Variants in MDGA2 observed in about 807,000 individuals in gnomAD.
MDGA2 encodes the protein MAM domain containing glycosylphosphatidylinositol anchor 2.
In MDGA2, 40 loss-of-function variants were observed where a neutral mutation model predicts 117.8. The ratio of observed to expected loss-of-function variants is 0.34; its 90% CI spans 0.26 to 0.44. The LOEUF is 0.44. MDGA2 is among the 20% of genes least tolerant of loss of function. MDGA2 has a pLI of 1.00. For missense variants in MDGA2, 1,123 were observed against 1,250.6 expected (o/e 0.90, Z 1.54); for synonymous variants, 452 against 439.0 (o/e 1.03, Z -0.37).
At chr14:47,615,792 GT>G (rs1896938567) in intron 1 of MDGA2, among the ~76,000 whole-genome samples, 1 of 152,198 alleles carries the variant, frequency 6.6e-6, no homozygotes, top group African/African-American at 2.4e-5. Flanking sequence ...TATTAATAAA[GT>G]GGAAATTGTA....
intron 1 of MDGA2, among the ~76,000 whole-genome samples, chr14:47,537,313 G>C (rs1196135711): frequency 1.7e-5 from 2 of 117,072 alleles, no homozygotes; most frequent in Non-Finnish European, 1.7e-5. Context: ...TTGTCGGGTG[G>C]GGGGAGGGGG....
chr14:46,950,307 T>C (rs954757393), intron 9 of MDGA2, among the ~76,000 whole-genome samples: 6 of 151,966 alleles, frequency 3.9e-5, no homozygotes, highest in East Asian at 1.9e-4. Context: ...GTCACTGATA[T>C]GTGTCAAAAA....
intron 1 of MDGA2, among the ~76,000 whole-genome samples, chr14:47,599,655 C>T (rs1443646015): frequency 6.6e-6 from 1 of 152,086 alleles, no homozygotes; most frequent in Non-Finnish European, 1.5e-5. Context: ...TAATGTAGAA[C>T]TGGAATAGAT....
intron 8 of MDGA2, among the ~76,000 whole-genome samples, chr14:46,987,927 T>TG (rs60295575): frequency 0.011 from 1,018 of 93,476 alleles, no homozygotes; most frequent in South Asian, 0.017. Flanking sequence ...TATTCTGGGG[T>TG]GGGGGGGGGT....
Position 47,015,496 on chromosome 14 carries a change from G to C in MDGA2, c.1819+19515C>G, listed in dbSNP as rs549873413. Reference sequence around the variant, plus strand: ...TAAATCAAATAGACATGAACAAAAAGGTGGCAATATGAAAACATGGGGAAG... The same window carrying C: ...TAAATCAAATAGACATGAACAAAAACGTGGCAATATGAAAACATGGGGAAG... On this transcript the variant is annotated intron_variant, in intron 8 of 16. Transcript: ENST00000399232. Among the ~76,000 whole-genome samples the C allele has an allele frequency of 5.3e-5, 8 of 151,992 alleles. 1 individual carries two copies. In the South Asian group the frequency reaches 1.7e-3, roughly 32 times the overall value.
At chr14:46,877,729 C>CA (rs1882289357) in intron 11 of MDGA2, among the ~76,000 whole-genome samples, 1 of 151,674 alleles carries the variant, frequency 6.6e-6, no homozygotes, top group African/African-American at 2.4e-5. Flanking sequence ...CTCAAATTAC[C>CA]AAAAAGACCA....
chr14:47,153,772 A>G (rs1883257965), intron 3 of MDGA2, among the ~76,000 whole-genome samples: 1 of 152,102 alleles, frequency 6.6e-6, no homozygotes, highest in Admixed American at 6.5e-5. Flanking sequence ...AAAGTGATAA[A>G]GAAGAAGAGA....
intron 1 of MDGA2, among the ~76,000 whole-genome samples, chr14:47,646,379 G>A (rs1897535518): frequency 6.6e-6 from 1 of 151,692 alleles, no homozygotes; most frequent in African/African-American, 2.4e-5. Context: ...AATACATATA[G>A]ATGCATATAT....
chr14:46,957,400 G>T lies in MDGA2; in HGVS notation c.2063C>A (p.Ala688Asp). Residue 688 changes from alanine to aspartate, a missense_variant, in exon 9 of 17, where the codon GCT becomes GAT. Physicochemically the swap from Ala to Asp is moderately radical, Grantham distance 126 (BLOSUM62 -2). Transcript: ENST00000399232. ...YNCSIINEAG[A>D]GRCSFLVTGK... ...TGTAACAAGAAAGCTGCATCTCCCA[G>T]CTCCAGCTTCATTTATGATGCTACA... The T allele has an allele frequency of 6.2e-7, 1 of 1,613,868 alleles. No homozygotes were observed.
intron 15 of MDGA2, among the ~76,000 whole-genome samples, chr14:46,847,098 A>G (rs1267542317): frequency 6.6e-6 from 1 of 152,046 alleles, no homozygotes; most frequent in Non-Finnish European, 1.5e-5. Context: ...AATTTATCCA[A>G]TGTTCTTTGA....
rs555641682 is a variant in MDGA2, at chr14:47,302,882, C to T, written c.281-1332G>A. On this transcript the variant is annotated intron_variant, in intron 1 of 16. Transcript: ENST00000399232. ...GCAGAAACTGGAAGATGGAAAAGAC[C>T]GCTTATGATTAATAAAACAACTGGT... Among the ~76,000 whole-genome samples the T allele has an allele frequency of 5.1e-4, 77 of 152,056 alleles. 1 individual carries two copies. Among genetic ancestry groups the T allele is most frequent in the Non-Finnish European group, 4.6e-4 (31 of 67,956 alleles).
At position 47,211,573 on chromosome 14, in the gene MDGA2, C is replaced by A. The variant is rs958102952; in HGVS notation, c.595+6448G>T. On this transcript the variant is annotated intron_variant, in intron 3 of 16. Coordinates refer to ENST00000399232, the MANE Select transcript of MDGA2 (RefSeq NM_001113498.3). ...TGCAAGAAAGCCTGATTAATCTTTG[C>A]CCCTGAGGTAGATATTATCTTTACT... Among the ~76,000 whole-genome samples, 15 of 152,226 alleles carry A rather than the reference C, an allele frequency of 9.9e-5. No individual in the cohort carries two copies. In the East Asian group the frequency reaches 2.1e-3, roughly 22 times the overall value.
intron 1 of MDGA2, among the ~76,000 whole-genome samples, chr14:47,430,334 T>G (rs576364127): frequency 6.6e-6 from 1 of 152,144 alleles, no homozygotes; most frequent in Non-Finnish European, 1.5e-5. Context: ...TTTGTTTGTT[T>G]TCCTAAGCAA....
intron 1 of MDGA2, among the ~76,000 whole-genome samples, chr14:47,307,798 C>T (rs17672382): frequency 0.089 from 13,540 of 152,018 alleles, 733 homozygotes; most frequent in Non-Finnish European, 0.11. Flanking sequence ...TGTTGCTGGA[C>T]ATTAAGTTTT....
chr14:46,866,989 C>A (rs1881794055), intron 14 of MDGA2, among the ~76,000 whole-genome samples: 1 of 152,012 alleles, frequency 6.6e-6, no homozygotes, highest in Non-Finnish European at 1.5e-5. Context: ...TGTGGCGATT[C>A]CTCAGGGATC....
At chr14:47,149,386 C>T (rs185079014) in intron 3 of MDGA2, among the ~76,000 whole-genome samples, 1 of 152,312 alleles carries the variant, frequency 6.6e-6, no homozygotes, top group East Asian at 1.9e-4. Context: ...AACCTGTCAT[C>T]CCCGCTGTTA....
At chr14:47,124,516 A>G (rs1428418810) in intron 5 of MDGA2, among the ~76,000 whole-genome samples, 3 of 152,084 alleles carry the variant, frequency 2.0e-5, no homozygotes, top group African/African-American at 7.2e-5. Flanking sequence ...TATATTATAA[A>G]CTTATGTCTG....
chr14:47,413,104 T>C (rs1307035772), intron 1 of MDGA2, among the ~76,000 whole-genome samples: 1 of 152,212 alleles, frequency 6.6e-6, no homozygotes, highest in Non-Finnish European at 1.5e-5. Context: ...TAATTAATAT[T>C]TGAGCCATAT....
rs1033933797 is a variant in MDGA2 at position 46,919,893 on chromosome 14, C to G, written c.2238+119G>C. 2.1e-5 allele frequency: 18 copies of G among 850,152 alleles called. No individual in the cohort carries two copies. In the African/African-American group the frequency reaches 3.0e-4, roughly 14 times the overall value. The allele number at this position is 850,152 out of a possible 1,614,324, so 52.7% of individuals were successfully genotyped here. A position where few individuals can be genotyped will look rare whatever the true frequency, so the allele number is the denominator to read the frequency against. On this transcript the variant is annotated intron_variant, in intron 10 of 16. Transcript: ENST00000399232. ...ACATATCTATCTGTCTATCTATATA[C>G]AGAAACACATATACATAAAATATAT...
Sources: gnomAD v4.1 joint callset for allele counts (sites outside exome capture counted in the v4.1 genomes callset) on GRCh38, gnomAD v4.1.1 for gene constraint, MANE v1.5 for transcripts, NCBI Gene and HGNC (gene_info 2026-07-23, HGNC 2026-07-21) for gene names.